Variants in PVR observed in about 807,000 individuals in gnomAD.
The protein encoded by PVR is PVR cell adhesion molecule.
A neutral mutation model predicts 43.3 loss-of-function variants in PVR; 39 were observed. The observed-to-expected ratio is 0.90, with a 90% CI of 0.70 to 1.18. The LOEUF (loss-of-function observed/expected upper bound fraction) is 1.18, where lower values mean the gene tolerates loss of function less well. PVR is among the 50% of genes most tolerant of loss of function. PVR has a pLI of 0.00. For missense variants in PVR, 480 were observed against 549.7 expected (o/e 0.87, Z 1.27); for synonymous variants, 224 against 233.2 (o/e 0.96, Z 0.36).
Position 44,661,947 on chromosome 19 carries a change from G to T in PVR, c.*136G>T, listed in dbSNP as rs1483407814. On this transcript the variant is annotated 3_prime_UTR_variant, in exon 8 of 8. Transcript: ENST00000425690. Reference sequence around the variant, plus strand: ...TCCCTGTGCCAGACCTCAAAACGACGGGGGCAGGTGCAAGTTCATAGGTCT... The same window carrying T: ...TCCCTGTGCCAGACCTCAAAACGACTGGGGCAGGTGCAAGTTCATAGGTCT... 1.6e-5 allele frequency: 12 copies of T among 742,588 alleles called. No individual in the cohort carries two copies. In the Admixed American group the frequency reaches 2.9e-4, roughly 18 times the overall value. The allele number at this position is 742,588 out of a possible 1,614,324, so 46.0% of individuals were successfully genotyped here.
intron 1 of PVR, among the ~76,000 whole-genome samples, chr19:44,645,341 AAAT>A (rs1248234968): frequency 2.5e-5 from 3 of 122,192 alleles, no homozygotes; most frequent in South Asian, 2.2e-4. Flanking sequence ...TTTATATAAT[AAAT>A]AATATATATT....
chr19:44,661,324 G>T lies in PVR; in HGVS notation c.1182+1G>T. 5.0e-6 allele frequency: 8 copies of T among 1,613,892 alleles called. No individual in the cohort carries two copies. Among genetic ancestry groups the T allele is most frequent in the Non-Finnish European group, 6.8e-6 (8 of 1,179,750 alleles). On this transcript the variant is annotated splice_donor_variant, in intron 7 of 7. Transcript: ENST00000425690. LOFTEE classifies it high-confidence loss of function. ...GCATGCCAGCGCCTCAGCTAATGGG[G>T]TAAGTGCAGTGTTGGAGCTAAGGAG... is the stretch of plus-strand genomic sequence containing the variant.
intron 4 of PVR, among the ~76,000 whole-genome samples, chr19:44,656,938 A>G (rs1973460933): frequency 6.6e-6 from 1 of 152,088 alleles, no homozygotes; most frequent in South Asian, 2.1e-4. Context: ...GTGCCACTGC[A>G]CTCCAGCCTG....
In PVR at chr19:44,658,833, C is replaced by T. The variant is rs748195893; in HGVS notation, c.1083C>T (p.Ile361=). The T allele has an allele frequency of 2.5e-6, 4 of 1,613,970 alleles. No homozygotes were observed. Among genetic ancestry groups the T allele is most frequent in the Non-Finnish European group, 2.5e-6 (3 of 1,180,006 alleles). The change falls in exon 6 of 8, where the codon ATC becomes ATT. Residue 361 remains isoleucine (I), a synonymous_variant. Transcript: ENST00000425690. ...TGGTTTTTCTGATCCTGCTGGGGAT[C>T]GGGATTTATTTCTATTGGTCCAAAT... ...GILVFLILLG[I]GIYFYWSKCS... is the part of the protein sequence containing the mutation.
At position 44,647,561 on chromosome 19, in the gene PVR, C is replaced by T. The variant is rs1973163547; in HGVS notation, c.418C>T (p.Arg140Ter). ...QGSRSVDIWL[R>*]VLAKPQNTAE... ...CAGCAGGAGCGTGGATATCTGGCTC[C>T]GAGTGCTTGGTGAGCAGGGGGTTTT... The change falls in exon 2 of 8, where the codon CGA becomes TGA. Residue 140 changes from arginine to a stop codon, truncating the protein, a stop_gained. Transcript: ENST00000425690. LOFTEE classifies it high-confidence loss of function. 1 of 1,609,000 alleles carries T rather than the reference C, an allele frequency of 6.2e-7. No homozygotes were observed. The highest frequency in any genetic ancestry group is 8.5e-7 in the Non-Finnish European group (1 of 1,177,006).
intron 1 of PVR, among the ~76,000 whole-genome samples, chr19:44,645,491 T>C (rs1038863788): frequency 7.5e-6 from 1 of 134,000 alleles, no homozygotes; most frequent in African/African-American, 3.0e-5. Context: ...AGAGACAAGG[T>C]CTTGCTTTGT....
intron 1 of PVR, among the ~76,000 whole-genome samples, chr19:44,645,418 T>TATATATATAC (rs1973085431): frequency 2.9e-5 from 1 of 34,024 alleles, no homozygotes; most frequent in African/African-American, 8.1e-5. Flanking sequence ...GTTTTGTGTA[T>TATATATATAC]ATATATATAT....
Position 44,644,126 on chromosome 19 carries a change from G to C in PVR, c.30G>C (p.Pro10=). 1 of 1,518,946 alleles carries C rather than the reference G, an allele frequency of 6.6e-7. No individual in the cohort carries two copies. The allele number at this position is 1,518,946 out of a possible 1,614,324, so 94.1% of individuals were successfully genotyped here. ...CCCGAGCCATGGCCGCCGCGTGGCCGCTGCTGCTGGTGGCGCTACTGGTGC... is the reference window on the plus strand; with the variant it reads ...CCCGAGCCATGGCCGCCGCGTGGCCCCTGCTGCTGGTGGCGCTACTGGTGC... MARAMAAAW[P]LLLVALLVLS... is the part of the protein sequence containing the mutation. Residue 10 remains proline, a synonymous_variant, in exon 1 of 8, where the codon CCG becomes CCC. Transcript: ENST00000425690.
intron 1 of PVR, 120 bp from the exon 2 acceptor site, chr19:44,647,103 C>A: frequency 1.6e-6 from 1 of 633,974 alleles, no homozygotes; most frequent in Non-Finnish European, 2.6e-6. Flanking sequence ...CCCCACGGTC[C>A]ACCGGGGATC....
In PVR at chr19:44,644,159, G is replaced by A. The variant is rs780149570; in HGVS notation, c.63G>A (p.Trp21Ter). The A allele has an allele frequency of 2.6e-6, 4 of 1,510,438 alleles. No individual in the cohort carries two copies. The South Asian group carries it at 4.9e-5, about 19-fold the overall frequency. 93.6% of individuals were successfully genotyped at this position (1,510,438 alleles called of 1,614,324 possible). A position where few individuals can be genotyped will look rare whatever the true frequency, so the allele number is the denominator to read the frequency against. Residue 21 changes from tryptophan to a stop codon, truncating the protein, a stop_gained, in exon 1 of 8, where the codon TGG (tryptophan) becomes TGA (stop). Transcript: ENST00000425690. LOFTEE classifies it high-confidence loss of function. ...TGGTGGCGCTACTGGTGCTGTCCTG[G>A]CCACCCCCAGGAACCGGTGAGTGAC... ...LLLVALLVLS[W>*]PPPGTGDVVV...
chr19:44,659,830 C>T (rs1444528743), intron 6 of PVR, among the ~76,000 whole-genome samples: 4 of 152,312 alleles, frequency 2.6e-5, no homozygotes, highest in South Asian at 2.1e-4. Flanking sequence ...GTGGTTCTCC[C>T]GTGAGCCCCA....
intron 6 of PVR, among the ~76,000 whole-genome samples, chr19:44,660,094 G>A (rs955999305): frequency 9.9e-5 from 15 of 152,162 alleles, no homozygotes; most frequent in East Asian, 1.9e-4. Flanking sequence ...GGTCATCACC[G>A]TGGGGGACTT....
In PVR at chr19:44,654,187, A is replaced by C. The variant is rs1460161982; in HGVS notation, c.842+170A>C. 2.9e-3 allele frequency among the ~76,000 whole-genome samples: 355 copies of C among 124,410 alleles called. 1 individual carries two copies. The highest frequency in any genetic ancestry group is 1.0e-2 in the African/African-American group (319 of 31,994). 81.6% of individuals were successfully genotyped at this position (124,410 alleles called of 152,430 possible). A position where few individuals can be genotyped will look rare whatever the true frequency, so the allele number is the denominator to read the frequency against. On this transcript the variant is annotated intron_variant, in intron 4 of 7. Transcript: ENST00000425690. ...AGCCCGGACTCCTGGGTCTGAGGGA[A>C]GAGGGGCTGGGGGTCTGGACCCCTG...
intron 1 of PVR, among the ~76,000 whole-genome samples, chr19:44,646,017 A>G (rs1032749676): frequency 2.0e-5 from 3 of 152,036 alleles, no homozygotes; most frequent in African/African-American, 7.2e-5. Flanking sequence ...CTTGGAGGAC[A>G]CTATACTCTG....
At chr19:44,661,410 G>A in intron 7 of PVR, 87 bp downstream of exon 7, 1 of 1,416,408 alleles carries the variant, frequency 7.1e-7, no homozygotes, top group Non-Finnish European at 1.0e-6. Flanking sequence ...CCCGGCCTCA[G>A]GAGCCTGGGT....
At chr19:44,645,124 T>TA (rs368011348) in intron 1 of PVR, among the ~76,000 whole-genome samples, 3 of 59,738 alleles carry the variant, frequency 5.0e-5, no homozygotes, top group African/African-American at 3.2e-4. Flanking sequence ...ATATAATATA[T>TA]TATAATATAT....
At chr19:44,652,993 A>T (rs1316346504) in intron 3 of PVR, among the ~76,000 whole-genome samples, 1 of 152,116 alleles carries the variant, frequency 6.6e-6, no homozygotes, top group Admixed American at 6.6e-5. Flanking sequence ...CAGTAGTCAC[A>T]TGTGGCCAGT....
intron 4 of PVR, among the ~76,000 whole-genome samples, chr19:44,656,829 C>G (rs370037964): frequency 5.9e-5 from 9 of 151,976 alleles, no homozygotes; most frequent in African/African-American, 1.9e-4. Flanking sequence ...AAAAATTGGC[C>G]GGGTGTGGTG....
chr19:44,648,236 C>T (rs1421807910), intron 2 of PVR, among the ~76,000 whole-genome samples: 1 of 152,186 alleles, frequency 6.6e-6, no homozygotes, highest in Non-Finnish European at 1.5e-5. Context: ...AGGGCAGCGG[C>T]GCTTCACCGC....
Sources: gnomAD v4.1 joint callset for allele counts (sites outside exome capture counted in the v4.1 genomes callset) on GRCh38, gnomAD v4.1.1 for gene constraint, MANE v1.5 for transcripts, NCBI Gene and HGNC (gene_info 2026-07-23, HGNC 2026-07-21) for gene names.